THSD4: variants seen among roughly 807,000 people sequenced by gnomAD.
The protein encoded by THSD4 is thrombospondin type 1 domain containing 4, also known as thrombospondin type-1 domain-containing protein 4.
Under a neutral mutation model 119.0 loss-of-function variants are expected in THSD4, and 69 were observed. The observed-to-expected ratio is 0.58, with a 90% CI of 0.48 to 0.71. The LOEUF is 0.71. Ranked by LOEUF, THSD4 falls within the 30% of genes least tolerant of loss-of-function variation. The probability of loss-of-function intolerance (pLI) is 0.00; values close to 1 mark genes in which losing one functional copy is unlikely to be tolerated. For missense variants in THSD4, 1,393 were observed against 1,391.1 expected (o/e 1.00, Z -0.02); for synonymous variants, 524 against 540.4 (o/e 0.97, Z 0.42).
At chr15:71,387,474 A>C (rs1200638592) in intron 6 of THSD4, among the ~76,000 whole-genome samples, 1 of 152,184 alleles carries the variant, frequency 6.6e-6, no homozygotes, top group African/African-American at 2.4e-5. Flanking sequence ...ATGTATAAAC[A>C]AAATAACTCA....
intron 8 of THSD4, among the ~76,000 whole-genome samples, chr15:71,716,854 T>A (rs2047685): frequency 6.6e-6 from 1 of 152,092 alleles, no homozygotes; most frequent in Non-Finnish European, 1.5e-5. Flanking sequence ...TCCTGGACTT[T>A]CCTCATGTAG....
intron 6 of THSD4, among the ~76,000 whole-genome samples, chr15:71,305,652 A>G (rs562359357): frequency 1.6e-4 from 25 of 152,344 alleles, no homozygotes; most frequent in South Asian, 6.2e-4. Context: ...AGCACCTAAG[A>G]TGCACTAAGA....
At chr15:71,654,429 A>G (rs1566570) in intron 7 of THSD4, among the ~76,000 whole-genome samples, 39,623 of 152,122 alleles carry the variant, frequency 0.26, 5,944 homozygotes, top group East Asian at 0.7. Context: ...TTGAACATTT[A>G]GGATGTTTCC....
At chr15:71,478,788 C>T (rs1001366960) in intron 7 of THSD4, among the ~76,000 whole-genome samples, 3 of 152,216 alleles carry the variant, frequency 2.0e-5, no homozygotes, top group Non-Finnish European at 2.9e-5. Context: ...CCACAAAGGA[C>T]GAGAATCATA....
At chr15:71,544,465 C>T (rs1244227004) in intron 7 of THSD4, among the ~76,000 whole-genome samples, 1 of 152,170 alleles carries the variant, frequency 6.6e-6, no homozygotes, top group Non-Finnish European at 1.5e-5. Flanking sequence ...ACATACGTTT[C>T]ACACCCATTA....
At chr15:71,717,181 C>G (rs1285890923) in intron 8 of THSD4, among the ~76,000 whole-genome samples, 1 of 152,126 alleles carries the variant, frequency 6.6e-6, no homozygotes, top group Non-Finnish European at 1.5e-5. Flanking sequence ...TGAGTCATCA[C>G]TAAACACTAG....
intron 6 of THSD4, among the ~76,000 whole-genome samples, chr15:71,398,561 G>T (rs1292798331): frequency 6.6e-6 from 1 of 152,110 alleles, no homozygotes; most frequent in African/African-American, 2.4e-5. Context: ...ATAGCTTGGT[G>T]GTAGAGCCAA....
At chr15:71,556,764 TAAAAAA>T (rs61509514) in intron 7 of THSD4, among the ~76,000 whole-genome samples, 1 of 138,592 alleles carries the variant, frequency 7.2e-6, no homozygotes, top group Non-Finnish European at 1.5e-5. Context: ...GACCCTGTCT[TAAAAAA>T]AAAAAAAAAG....
chr15:71,728,681 C>A lies in THSD4; in HGVS notation c.1490C>A (p.Ser497Tyr). The change falls in exon 9 of 18, where the codon TCC becomes TAC. Residue 497 changes from serine to tyrosine, a missense_variant. By Grantham distance (144) the Ser-to-Tyr change is moderately radical. Coordinates refer to ENST00000261862, the MANE Select transcript of THSD4 (RefSeq NM_024817.3). ...PNEISSTAGESFLAEGPTNEI... is the reference protein window; with the variant it reads ...PNEISSTAGEYFLAEGPTNEI... ...GAGATTTCGAGCACTGCCGGAGAGT[C>A]CTTTTTGGCGGAAGGTCCCACCAAC... 2 of 1,614,180 alleles carry A rather than the reference C, an allele frequency of 1.2e-6. No homozygotes were observed. The highest frequency in any genetic ancestry group is 1.7e-6 in the Non-Finnish European group (2 of 1,180,024).
chr15:71,706,269 G>A (rs2052390351), intron 8 of THSD4, among the ~76,000 whole-genome samples: 1 of 152,116 alleles, frequency 6.6e-6, no homozygotes, highest in Non-Finnish European at 1.5e-5. Flanking sequence ...CGCTGCTAGG[G>A]GTAAAAGAAG....
At chr15:71,588,420 AATTT>A (rs1468150841) in intron 7 of THSD4, among the ~76,000 whole-genome samples, 21 of 148,526 alleles carry the variant, frequency 1.4e-4, no homozygotes, top group Middle Eastern at 6.9e-3. Flanking sequence ...AATTTTTTTT[AATTT>A]ATTTATTTAT....
Position 71,621,555 on chromosome 15 carries a change from G to A in THSD4, c.1153-38975G>A, listed in dbSNP as rs547577978. ...AATATTGTACCTATTAAATAATCATGTGTACATTTCCATTGGAGTGTTAAG... is the reference window on the plus strand; with the variant it reads ...AATATTGTACCTATTAAATAATCATATGTACATTTCCATTGGAGTGTTAAG... On this transcript the variant is annotated intron_variant, in intron 7 of 17. Coordinates refer to ENST00000261862, the MANE Select transcript of THSD4 (RefSeq NM_024817.3). 3.3e-5 allele frequency among the ~76,000 whole-genome samples: 5 copies of A among 152,300 alleles called. No individual in the cohort carries two copies. The South Asian group carries it at 1.0e-3, about 32-fold the overall frequency.
intron 1 of THSD4, among the ~76,000 whole-genome samples, chr15:71,108,990 T>TCAAACAAA (rs901677498): frequency 5.9e-5 from 9 of 151,994 alleles, no homozygotes; most frequent in Admixed American, 3.9e-4. Context: ...AGACTCCGTC[T>TCAAACAAA]CAAACAAACA....
chr15:71,226,121 G>C (rs2044016535), intron 4 of THSD4, among the ~76,000 whole-genome samples: 1 of 151,926 alleles, frequency 6.6e-6, no homozygotes, highest in African/African-American at 2.4e-5. Context: ...GTGGCCTATG[G>C]GAGTCACTTA....
chr15:71,696,183 G>C (rs1314780578), intron 8 of THSD4, among the ~76,000 whole-genome samples: 1 of 152,148 alleles, frequency 6.6e-6, no homozygotes, highest in African/African-American at 2.4e-5. Context: ...GGTTTATTTA[G>C]CTCATAGTTC....
intron 6 of THSD4, among the ~76,000 whole-genome samples, chr15:71,337,414 T>A (rs1182682084): frequency 1.3e-5 from 2 of 152,228 alleles, no homozygotes; most frequent in Non-Finnish European, 2.9e-5. Flanking sequence ...TGATGCTCCT[T>A]ACTCAGTGTT....
intron 7 of THSD4, among the ~76,000 whole-genome samples, chr15:71,460,315 T>G (rs945230461): frequency 6.6e-6 from 1 of 150,658 alleles, no homozygotes; most frequent in Admixed American, 6.6e-5. Context: ...GTTTTTTTTT[T>G]TTTTTTTTTT....
At chr15:71,364,368 A>G (rs1481248794) in intron 6 of THSD4, among the ~76,000 whole-genome samples, 1 of 152,234 alleles carries the variant, frequency 6.6e-6, no homozygotes, top group East Asian at 1.9e-4. Flanking sequence ...ATATTTCATT[A>G]CTTAGCACTT....
chr15:71,135,697 C>T (rs2040544517), intron 1 of THSD4, among the ~76,000 whole-genome samples: 1 of 152,198 alleles, frequency 6.6e-6, no homozygotes, highest in African/African-American at 2.4e-5. Flanking sequence ...CAGCCTTCTC[C>T]AGCCAAAGCT....
Sources: gnomAD v4.1 joint callset for allele counts (sites outside exome capture counted in the v4.1 genomes callset) on GRCh38, gnomAD v4.1.1 for gene constraint, MANE v1.5 for transcripts, NCBI Gene and HGNC (gene_info 2026-07-23, HGNC 2026-07-21) for gene names.